The following UST variants were observed in gnomAD, a reference collection of about 807,000 sequenced individuals.
UST encodes uronyl 2-sulfotransferase, also known as chondroitin sulfate 2-O-sulfotransferase.
A neutral mutation model predicts 45.6 loss-of-function variants in UST; 21 were observed. That is an observed-to-expected ratio of 0.46 (90% CI 0.33 to 0.66). UST has a LOEUF of 0.66. UST is among the 30% of genes least tolerant of loss of function. UST has a pLI of 0.02. For synonymous variants in UST, 215 were observed against 200.6 expected, an observed-to-expected ratio of 1.07 and a Z score of -0.61; for missense variants, 463 against 512.4, an observed-to-expected ratio of 0.90 and a Z score of 0.93.
rs1025429099 is a variant in UST at position 149,074,734 on chromosome 6, CAATT to C, written c.*623_*626del. 6.6e-6 allele frequency: 1 copy of C among 152,184 alleles called. No homozygotes were observed. Among genetic ancestry groups the C allele is most frequent in the African/African-American group, 2.4e-5 (1 of 41,334 alleles). The allele number at this position is 152,184 out of a possible 1,614,324, so 9.4% of individuals were successfully genotyped here. The stretch of plus-strand genomic sequence containing the variant: ...TGGGTGACAGAGTGAGACTCTGTCT[CAATT>C]AATTTTTTTTTTTTAAAGGAGGAGG... On this transcript the variant is annotated 3_prime_UTR_variant, in exon 8 of 8. Coordinates refer to ENST00000367463, the MANE Select transcript of UST (RefSeq NM_005715.3).
rs1775935491 is a variant in UST, at chr6:148,748,963, CAAAACA to C, written c.247+1296_247+1301del. 6.7e-6 allele frequency among the ~76,000 whole-genome samples: 1 copy of C among 150,254 alleles called. No homozygotes were observed. Among genetic ancestry groups the C allele is most frequent in the Non-Finnish European group, 1.5e-5 (1 of 67,580 alleles). Reference sequence around the variant, plus strand: ...CCCAAAACAAACAAACAAAACAAAGCAAAACAAAAACAAAACCACATCAGCCAAGTT... The same window carrying C: ...CCCAAAACAAACAAACAAAACAAAGCAAAACAAAACCACATCAGCCAAGTT... On this transcript the variant is annotated intron_variant, in intron 1 of 7. Transcript: ENST00000367463. This position sits in a 1 kb window ranked among gnomAD's most constrained non-coding sequence, Gnocchi z 5.3.
intron 2 of UST, 41 bp from the exon 3 acceptor site, chr6:148,941,238 A>G (rs370335255): frequency 1.2e-6 from 2 of 1,609,480 alleles, no homozygotes; most frequent in African/African-American, 2.7e-5. Context: ...AAGTATTTCC[A>G]TACAGACGTT....
chr6:148,776,944 C>T (rs907983587), intron 1 of UST, among the ~76,000 whole-genome samples: 2 of 152,202 alleles, frequency 1.3e-5, no homozygotes, highest in Non-Finnish European at 2.9e-5. Flanking sequence ...TGTGTGGTCC[C>T]TTGGCCTTGT....
At chr6:148,752,321 C>G (rs975647048) in intron 1 of UST, among the ~76,000 whole-genome samples, 4 of 152,136 alleles carry the variant, frequency 2.6e-5, no homozygotes, top group Non-Finnish European at 4.4e-5. Flanking sequence ...AAATATAATA[C>G]TTTAGGCTCC....
intron 3 of UST, among the ~76,000 whole-genome samples, chr6:148,950,979 G>A (rs900833244): frequency 1.1e-4 from 16 of 152,242 alleles, no homozygotes; most frequent in African/African-American, 3.9e-4. Flanking sequence ...ACTTGGAGGG[G>A]TAGATATTTT....
chr6:148,917,539 T>G (rs1450919288), intron 2 of UST, among the ~76,000 whole-genome samples: 1 of 152,358 alleles, frequency 6.6e-6, no homozygotes, highest in East Asian at 1.9e-4. Flanking sequence ...AGGCTTCACC[T>G]GAGAGTGTGA....
chr6:148,844,591 C>T (rs1340110911), intron 1 of UST, among the ~76,000 whole-genome samples: 1 of 151,968 alleles, frequency 6.6e-6, no homozygotes, highest in African/African-American at 2.4e-5. Flanking sequence ...ATTAGGGCTG[C>T]CTGTTCTTTA....
intron 1 of UST, among the ~76,000 whole-genome samples, chr6:148,884,463 G>A (rs543015161): frequency 6.6e-6 from 1 of 152,288 alleles, no homozygotes; most frequent in South Asian, 2.1e-4. Context: ...TTTGAATAGA[G>A]ACTGAATGAA....
At chr6:148,997,016 A>G (rs1004008143) in intron 5 of UST, among the ~76,000 whole-genome samples, 2 of 152,176 alleles carry the variant, frequency 1.3e-5, no homozygotes, top group African/African-American at 2.4e-5. Context: ...TGATCTTGGC[A>G]CCAGATAATG....
At chr6:148,865,897 A>T (rs1218674441) in intron 1 of UST, among the ~76,000 whole-genome samples, 2 of 152,160 alleles carry the variant, frequency 1.3e-5, no homozygotes, top group Non-Finnish European at 2.9e-5. Context: ...CATGGAATGT[A>T]TGTCTGAGGC....
chr6:148,932,322 A>G (rs923446049), intron 2 of UST, among the ~76,000 whole-genome samples: 4 of 152,098 alleles, frequency 2.6e-5, no homozygotes, highest in Non-Finnish European at 4.4e-5. Context: ...AGAGGTAGCA[A>G]TGAACCAAGA....
At chr6:148,927,859 C>T (rs1207207818) in intron 2 of UST, among the ~76,000 whole-genome samples, 2 of 152,210 alleles carry the variant, frequency 1.3e-5, no homozygotes, top group African/African-American at 4.8e-5. Context: ...GATGGTCCAA[C>T]TTGGACCAAG....
chr6:148,999,371 C>G (rs970530642), intron 5 of UST, among the ~76,000 whole-genome samples: 27 of 152,312 alleles, frequency 1.8e-4, no homozygotes, highest in Admixed American at 1.7e-3. Context: ...CTATCTGGCA[C>G]TGGGTGGATA....
rs558475518 is a variant in UST at position 149,003,949 on chromosome 6, A to G, written c.682-15190A>G. On this transcript the variant is annotated intron_variant, in intron 5 of 7. Transcript: ENST00000367463. Reference sequence around the variant, plus strand: ...GACAACCAAAATAATCAAGGAATTGACACGCTTTGCTGGAAATGCCTGATA... The same window carrying G: ...GACAACCAAAATAATCAAGGAATTGGCACGCTTTGCTGGAAATGCCTGATA... Among the ~76,000 whole-genome samples, 3 of 152,332 alleles carry G rather than the reference A, an allele frequency of 2.0e-5. 1 individual carries two copies. In the South Asian group the frequency reaches 6.2e-4, roughly 32 times the overall value.
At position 148,747,676 on chromosome 6, in the gene UST, G is replaced by C. The variant is rs921586876; in HGVS notation, c.246G>C (p.Leu82Phe). The C allele has an allele frequency of 6.9e-6, 11 of 1,596,028 alleles. No homozygotes were observed. The highest frequency in any genetic ancestry group is 2.3e-5 in the East Asian group (1 of 43,164). Reference protein sequence around the residue: ...PRFLLDLRQYLGNSTYLDDHG... With the variant: ...PRFLLDLRQYFGNSTYLDDHG... ...TCCTGCTCGACCTGCGGCAGTACTTGGGTAAGGAAGCTGGGCAGGCGCTAG... is the reference window on the plus strand; with the variant it reads ...TCCTGCTCGACCTGCGGCAGTACTTCGGTAAGGAAGCTGGGCAGGCGCTAG... The change falls in exon 1 of 8, where the codon TTG becomes TTC. Residue 82 changes from leucine to phenylalanine, a missense_variant and splice_region_variant. This residue lies in a region of UST where 176 missense variants were observed against 138.3 expected (regional missense o/e 1.27). Transcript: ENST00000367463.
intron 1 of UST, among the ~76,000 whole-genome samples, chr6:148,798,849 AGGATTTAT>A (rs1776999801): frequency 7.4e-6 from 1 of 134,246 alleles, no homozygotes; most frequent in South Asian, 2.8e-4. Flanking sequence ...AGGAGGAGAT[AGGATTTAT>A]TTATTTATTT....
intron 7 of UST, among the ~76,000 whole-genome samples, chr6:149,053,815 TTCTCTCA>T (rs1229034975): frequency 1.3e-5 from 2 of 152,212 alleles, no homozygotes; most frequent in African/African-American, 4.8e-5. Context: ...CTTCAAAGCA[TTCTCTCA>T]GCTAAAAAGT....
intron 2 of UST, among the ~76,000 whole-genome samples, chr6:148,903,248 C>A (rs1366410673): frequency 6.6e-6 from 1 of 151,972 alleles, no homozygotes; most frequent in Non-Finnish European, 1.5e-5. Flanking sequence ...AATGTAAAGT[C>A]CATGGTGGGA....
Position 148,790,829 on chromosome 6 carries a change from G to A in UST, c.247+43152G>A, listed in dbSNP as rs934854333. On this transcript the variant is annotated intron_variant, in intron 1 of 7. Transcript: ENST00000367463. This position sits in a 1 kb window ranked among gnomAD's most constrained non-coding sequence, Gnocchi z 4.2. ...GGGCCATCCCAGTTCCAGAGCTCCT[G>A]TGGGACAGGCTGAGCTCCGTTGCAG... Among the ~76,000 whole-genome samples, 1 of 152,214 alleles carries A rather than the reference G, an allele frequency of 6.6e-6. No homozygotes were observed. The highest frequency in any genetic ancestry group is 2.4e-5 in the African/African-American group (1 of 41,458).
Sources: allele counts gnomAD v4.1 joint callset (sites outside exome capture counted in the v4.1 genomes callset), GRCh38; gene constraint gnomAD v4.1.1; regional missense constraint gnomAD v4.1.1; non-coding constraint Gnocchi (gnomAD v3.1); transcripts MANE v1.5; gene names NCBI Gene and HGNC (gene_info 2026-07-23, HGNC 2026-07-21).